The following RNF169 variants were observed in gnomAD, a reference collection of about 807,000 sequenced individuals.
The protein encoded by RNF169 is ring finger protein 169, also known as E3 ubiquitin-protein ligase RNF169.
A neutral mutation model predicts 53.9 loss-of-function variants in RNF169; 24 were observed. That is an observed-to-expected ratio of 0.45 (90% CI 0.32 to 0.63). RNF169 has a LOEUF of 0.63. RNF169 is among the 20% of genes least tolerant of loss of function. The pLI is 0.04. For missense variants in RNF169, 883 were observed against 906.2 expected, an observed-to-expected ratio of 0.97 and a Z score of 0.33; for synonymous variants, 396 against 363.5, an observed-to-expected ratio of 1.09 and a Z score of -1.02.
At chr11:74,774,959 G>A (rs772948443) in intron 1 of RNF169, among the ~76,000 whole-genome samples, 3 of 152,138 alleles carry the variant, frequency 2.0e-5, no homozygotes, top group Non-Finnish European at 4.4e-5. Flanking sequence ...GGACGACAGA[G>A]TGAGACTCCA....
chr11:74,784,918 G>C (rs936319711), intron 1 of RNF169, among the ~76,000 whole-genome samples: 3 of 152,116 alleles, frequency 2.0e-5, no homozygotes, highest in African/African-American at 7.2e-5. Context: ...TGCTGTGTAT[G>C]TGTACGTGTA....
chr11:74,834,887 C>A, intron 5 of RNF169, 112 bp downstream of exon 5: 1 of 636,352 alleles, frequency 1.6e-6, no homozygotes, highest in Non-Finnish European at 2.7e-6. Context: ...TGAGCCCAGG[C>A]ATACTAGTTA....
intron 1 of RNF169, among the ~76,000 whole-genome samples, chr11:74,764,311 ATCGC>A (rs1218992200): frequency 4.6e-5 from 7 of 152,342 alleles, no homozygotes; most frequent in African/African-American, 1.7e-4. Flanking sequence ...AGGTGGGCGG[ATCGC>A]TCAAGGTCAG....
intron 1 of RNF169, among the ~76,000 whole-genome samples, chr11:74,786,463 G>T (rs1375055146): frequency 1.3e-5 from 2 of 151,952 alleles, no homozygotes; most frequent in South Asian, 4.1e-4. Context: ...AGGTCTGTCT[G>T]TGTTGCTCAG....
At chr11:74,779,548 G>T (rs544852) in intron 1 of RNF169, among the ~76,000 whole-genome samples, 4 of 151,926 alleles carry the variant, frequency 2.6e-5, no homozygotes, top group East Asian at 3.9e-4. Context: ...CTATATTCTT[G>T]GAGAATCAGA....
At chr11:74,780,200 C>T (rs929110293) in intron 1 of RNF169, among the ~76,000 whole-genome samples, 3 of 152,096 alleles carry the variant, frequency 2.0e-5, no homozygotes, top group Admixed American at 2.0e-4. Flanking sequence ...AGATTGTAAA[C>T]TTATTTAGGA....
intron 1 of RNF169, among the ~76,000 whole-genome samples, chr11:74,756,053 C>A (rs1374004780): frequency 6.6e-6 from 1 of 152,084 alleles, no homozygotes; most frequent in African/African-American, 2.4e-5. Context: ...TTTAGTAGTT[C>A]AGGCAAGCGA....
At chr11:74,816,208 C>T (rs927808217) in intron 3 of RNF169, among the ~76,000 whole-genome samples, 4 of 152,172 alleles carry the variant, frequency 2.6e-5, no homozygotes, top group Non-Finnish European at 4.4e-5. Flanking sequence ...ACATCTACAA[C>T]TCTTACTTTG....
rs1403627025 is a variant in RNF169 at position 74,758,547 on chromosome 11, G to C, written c.502+9165G>C. Among the ~76,000 whole-genome samples, 3 of 151,730 alleles carry C rather than the reference G, an allele frequency of 2.0e-5. No homozygotes were observed. In the East Asian group the frequency reaches 5.8e-4, roughly 29 times the overall value. On this transcript the variant is annotated intron_variant, in intron 1 of 5. Transcript: ENST00000299563. The stretch of plus-strand genomic sequence containing the variant: ...GACGGAGTCTCGCTCTGTCACCCAG[G>C]CTGGAGTGCAGTGGCGGGATCTCGG...
chr11:74,764,467 A>C (rs1284575858), intron 1 of RNF169, among the ~76,000 whole-genome samples: 1 of 152,182 alleles, frequency 6.6e-6, no homozygotes, highest in Admixed American at 6.5e-5. Context: ...GGTGAGCCAA[A>C]ATCCTACCAT....
intron 1 of RNF169, among the ~76,000 whole-genome samples, chr11:74,785,974 T>C (rs1235455810): frequency 2.7e-5 from 4 of 150,576 alleles, no homozygotes; most frequent in Admixed American, 6.6e-5. Flanking sequence ...CAGAGTCTTG[T>C]TCTGTCCCCA....
intron 2 of RNF169, among the ~76,000 whole-genome samples, chr11:74,794,771 T>C (rs950474882): frequency 4.6e-5 from 7 of 152,168 alleles, no homozygotes; most frequent in Non-Finnish European, 7.3e-5. Flanking sequence ...ATGAGTGTTA[T>C]AGTCTAAGGC....
chr11:74,754,162 A>ATC (rs894625787), intron 1 of RNF169, among the ~76,000 whole-genome samples: 62 of 152,014 alleles, frequency 4.1e-4, no homozygotes, highest in African/African-American at 1.4e-3. Flanking sequence ...AATATTAAAG[A>ATC]TCTCTCTCTC....
At chr11:74,767,251 A>G (rs1031704405) in intron 1 of RNF169, among the ~76,000 whole-genome samples, 3 of 152,214 alleles carry the variant, frequency 2.0e-5, no homozygotes, top group African/African-American at 7.2e-5. Context: ...TTGGCTTAAC[A>G]TTAGGAATCT....
At chr11:74,779,451 A>G (rs2035384841) in intron 1 of RNF169, among the ~76,000 whole-genome samples, 1 of 152,078 alleles carries the variant, frequency 6.6e-6, no homozygotes, top group Non-Finnish European at 1.5e-5. Flanking sequence ...AACACTCTAT[A>G]TTGCCTGTTG....
chr11:74,769,848 T>G (rs1201681832), intron 1 of RNF169, among the ~76,000 whole-genome samples: 1 of 152,048 alleles, frequency 6.6e-6, no homozygotes, highest in African/African-American at 2.4e-5. Context: ...CAGGCTGGAG[T>G]TCAGTGATGA....
At chr11:74,783,935 A>G (rs1378163251) in intron 1 of RNF169, among the ~76,000 whole-genome samples, 2 of 152,224 alleles carry the variant, frequency 1.3e-5, no homozygotes, top group African/African-American at 2.4e-5. Flanking sequence ...ATACTGTTGA[A>G]TGCATACATG....
At chr11:74,785,421 C>G (rs550754133) in intron 1 of RNF169, among the ~76,000 whole-genome samples, 20 of 149,250 alleles carry the variant, frequency 1.3e-4, no homozygotes, top group Admixed American at 2.0e-4. Context: ...CCTAATGTTA[C>G]GTTCTTTTTG....
chr11:74,758,474 C>T (rs1482119281), intron 1 of RNF169, among the ~76,000 whole-genome samples: 1 of 149,224 alleles, frequency 6.7e-6, no homozygotes. Context: ...ATTGACTTGG[C>T]GATGCGGGCT....
Sources: gnomAD v4.1 joint callset for allele counts (sites outside exome capture counted in the v4.1 genomes callset) on GRCh38, gnomAD v4.1.1 for gene constraint, MANE v1.5 for transcripts, NCBI Gene and HGNC (gene_info 2026-07-23, HGNC 2026-07-21) for gene names.